Variants in QTMAN observed in about 807,000 individuals in gnomAD.
The protein encoded by QTMAN is queuosine-tRNA mannosyltransferase, also known as tRNA-queuosine alpha-mannosyltransferase.
chr2:144,172,520 T>C, the QTMAN span, among the ~76,000 whole-genome samples: 1 of 149,206 alleles, frequency 6.7e-6, no homozygotes. Flanking sequence ...GCTACTCAGA[T>C]GGCTGAGGCA....
the QTMAN span, among the ~76,000 whole-genome samples, chr2:144,243,178 A>G: frequency 6.6e-6 from 1 of 152,188 alleles, no homozygotes; most frequent in African/African-American, 2.4e-5. Context: ...CTACGCTCAG[A>G]AACTCACAGG....
the QTMAN span, among the ~76,000 whole-genome samples, chr2:144,028,617 G>C: frequency 6.6e-6 from 1 of 152,138 alleles, no homozygotes; most frequent in Non-Finnish European, 1.5e-5. Context: ...CCACCGATGA[G>C]CAGAACAATC....
At chr2:144,238,102 A>G in the QTMAN span, among the ~76,000 whole-genome samples, 1 of 152,204 alleles carries the variant, frequency 6.6e-6, no homozygotes, top group Non-Finnish European at 1.5e-5. Context: ...CCTTTCTAGC[A>G]TGCACTCTAA....
chr2:144,234,595 C>A, the QTMAN span, among the ~76,000 whole-genome samples: 1 of 152,220 alleles, frequency 6.6e-6, no homozygotes, highest in Non-Finnish European at 1.5e-5. Flanking sequence ...ATAAATAGAA[C>A]CAAACGTCTA....
At chr2:144,300,379 C>T in the QTMAN span, among the ~76,000 whole-genome samples, 1 of 151,980 alleles carries the variant, frequency 6.6e-6, no homozygotes, top group Non-Finnish European at 1.5e-5. Context: ...GGGAAAAATG[C>T]TATTGCAAGC....
chr2:143,943,281 C>G, the QTMAN span: 4 of 152,134 alleles, frequency 2.6e-5, no homozygotes, highest in African/African-American at 9.7e-5. Flanking sequence ...TTGTCTGTAT[C>G]ACAACTCAAA....
chr2:144,178,014 TAAG>T, the QTMAN span, among the ~76,000 whole-genome samples: 1 of 152,192 alleles, frequency 6.6e-6, no homozygotes, highest in African/African-American at 2.4e-5. Flanking sequence ...AGCACAGTCC[TAAG>T]AAGTGCAGAC....
the QTMAN span, among the ~76,000 whole-genome samples, chr2:144,274,192 A>G: frequency 6.6e-6 from 1 of 152,146 alleles, no homozygotes; most frequent in South Asian, 2.1e-4. Context: ...GAGCTCCTAG[A>G]GCCCTTGTGA....
chr2:144,102,230 C>A, the QTMAN span, among the ~76,000 whole-genome samples: 1 of 152,022 alleles, frequency 6.6e-6, no homozygotes, highest in Non-Finnish European at 1.5e-5. Flanking sequence ...CCTATCAGTC[C>A]GGGAAAGATG....
the QTMAN span, among the ~76,000 whole-genome samples, chr2:144,077,050 CAA>C: frequency 0.03 from 4,048 of 133,962 alleles, 204 homozygotes; most frequent in African/African-American, 0.097. Context: ...TTCAAAAAGC[CAA>C]AAAAAAAAAA....
chr2:144,119,765 T>G, the QTMAN span, among the ~76,000 whole-genome samples: 2 of 152,212 alleles, frequency 1.3e-5, no homozygotes, highest in Non-Finnish European at 2.9e-5. Context: ...TGTCTAAAGC[T>G]GAGTGCTCTT....
chr2:144,292,557 C>T, the QTMAN span, among the ~76,000 whole-genome samples: 1 of 152,016 alleles, frequency 6.6e-6, no homozygotes. Context: ...TTACTCGGTA[C>T]CCTGTACTAC....
At chr2:144,095,667 T>C in the QTMAN span, among the ~76,000 whole-genome samples, 3 of 152,172 alleles carry the variant, frequency 2.0e-5, no homozygotes, top group African/African-American at 7.2e-5. Flanking sequence ...TATTCCTGGT[T>C]AAAAAGATCT....
chr2:144,167,545 A>G, the QTMAN span, among the ~76,000 whole-genome samples: 2 of 152,122 alleles, frequency 1.3e-5, no homozygotes, highest in Admixed American at 6.6e-5. Flanking sequence ...GGTTTCCCCC[A>G]TGCTGTTCTC....
chr2:144,241,565 T>C, the QTMAN span, among the ~76,000 whole-genome samples: 1 of 152,216 alleles, frequency 6.6e-6, no homozygotes, highest in African/African-American at 2.4e-5. Flanking sequence ...AGAATCAGAA[T>C]TTAAACTCAA....
the QTMAN span, among the ~76,000 whole-genome samples, chr2:144,092,886 T>TGTGC: frequency 6.6e-6 from 1 of 151,494 alleles, no homozygotes; most frequent in Non-Finnish European, 1.5e-5. Context: ...TGTGTGTGTG[T>TGTGC]GTGTGTGTGT....
the QTMAN span, among the ~76,000 whole-genome samples, chr2:144,191,139 C>T: frequency 6.6e-6 from 1 of 152,196 alleles, no homozygotes; most frequent in Non-Finnish European, 1.5e-5. Flanking sequence ...GAAGTCTCAG[C>T]ACTCTGTCTT....
At chr2:144,019,275 G>C in the QTMAN span, among the ~76,000 whole-genome samples, 2 of 152,060 alleles carry the variant, frequency 1.3e-5, no homozygotes, top group Admixed American at 6.5e-5. Context: ...AATAATGGTA[G>C]GGAATTTATT....
chr2:144,285,957 C>T, the QTMAN span, among the ~76,000 whole-genome samples: 4 of 152,152 alleles, frequency 2.6e-5, no homozygotes, highest in African/African-American at 9.7e-5. Flanking sequence ...TTTAGCAGGC[C>T]TTTCTATCAA....
Sources: gnomAD v4.1 joint callset for allele counts (sites outside exome capture counted in the v4.1 genomes callset) on GRCh38, gnomAD v4.1.1 for gene constraint, MANE v1.5 for transcripts, NCBI Gene and HGNC (gene_info 2026-07-23, HGNC 2026-07-21) for gene names.